Variants in DPYD observed in about 807,000 individuals in gnomAD.
The protein encoded by DPYD is dihydropyrimidine dehydrogenase.
A neutral mutation model predicts 116.2 loss-of-function variants in DPYD; 109 were observed. That is an observed-to-expected ratio of 0.94 (90% confidence interval 0.80 to 1.10). The LOEUF is 1.10. DPYD is among the 50% of genes least tolerant of loss of function. The probability of loss-of-function intolerance (pLI) is 0.00; values close to 1 mark genes in which losing one functional copy is unlikely to be tolerated. For synonymous variants in DPYD, 440 were observed against 432.0 expected, an observed-to-expected ratio of 1.02 and a Z score of -0.23; for missense variants, 1,302 against 1,254.5, an observed-to-expected ratio of 1.04 and a Z score of -0.57.
intron 1 of DPYD, among the ~76,000 whole-genome samples, chr1:97,893,206 A>G (rs1019645215): frequency 1.3e-5 from 2 of 151,488 alleles, no homozygotes; most frequent in East Asian, 3.9e-4. Flanking sequence ...AAGGATGAAG[A>G]CAACAGGTGA....
At chr1:97,195,230 C>G (rs2101829209) in intron 19 of DPYD, among the ~76,000 whole-genome samples, 1 of 152,150 alleles carries the variant, frequency 6.6e-6, no homozygotes, top group East Asian at 1.9e-4. Flanking sequence ...TCATTTCTAT[C>G]CTGTTTTCCC....
chr1:97,871,564 T>C (rs1671657274), intron 2 of DPYD, among the ~76,000 whole-genome samples: 1 of 150,986 alleles, frequency 6.6e-6, no homozygotes, highest in Non-Finnish European at 1.5e-5. Flanking sequence ...ATGTTGAGGC[T>C]TTTTGGAGAA....
chr1:97,302,033 C>A (rs1330356108), intron 18 of DPYD, among the ~76,000 whole-genome samples: 1 of 151,874 alleles, frequency 6.6e-6, no homozygotes, highest in East Asian at 1.9e-4. Flanking sequence ...TTTTTCCAAT[C>A]AAATAAGTCA....
At position 97,886,917 on chromosome 1, in the gene DPYD, A is replaced by G. The variant is rs184753858; in HGVS notation, c.40-3543T>C. Among the ~76,000 whole-genome samples the G allele has an allele frequency of 1.4e-3, 211 of 152,112 alleles. 1 individual carries two copies. Among genetic ancestry groups the G allele is most frequent in the Non-Finnish European group, 1.2e-3 (82 of 67,956 alleles). On this transcript the variant is annotated intron_variant, in intron 1 of 22. Transcript: ENST00000370192. ...ACTCACCTCAAAAACTACCACTGAA[A>G]AAAGGCCCAAATTTAACTGAATCAC...
chr1:97,785,681 CTTTTTTTTTTTTTTTTTTTT>C (rs35229030), intron 3 of DPYD, among the ~76,000 whole-genome samples: 2 of 62,540 alleles, frequency 3.2e-5, no homozygotes, highest in Non-Finnish European at 6.0e-5. Context: ...GCCACTGACT[CTTTTTTTTTTTTTTTTTTTT>C]TTTTTTTTTT....
intron 16 of DPYD, among the ~76,000 whole-genome samples, chr1:97,332,973 C>T (rs1371466217): frequency 6.6e-6 from 1 of 151,960 alleles, no homozygotes; most frequent in Non-Finnish European, 1.5e-5. Context: ...AGCCCCTACA[C>T]TGTAGTCTCA....
chr1:97,686,085 A>G (rs988077599), intron 7 of DPYD, among the ~76,000 whole-genome samples: 1 of 152,180 alleles, frequency 6.6e-6, no homozygotes, highest in Non-Finnish European at 1.5e-5. Flanking sequence ...AAACTATACT[A>G]TAAGGCTGCA....
chr1:97,617,103 C>CTCTT (rs1202835949), intron 8 of DPYD, among the ~76,000 whole-genome samples: 2 of 152,100 alleles, frequency 1.3e-5, no homozygotes, highest in Admixed American at 6.6e-5. Context: ...TAGGAAAATT[C>CTCTT]TCTTTCTTTC....
At chr1:97,373,170 T>A (rs1281498507) in intron 16 of DPYD, among the ~76,000 whole-genome samples, 1 of 152,224 alleles carries the variant, frequency 6.6e-6, no homozygotes, top group African/African-American at 2.4e-5. Context: ...ATTTGTGCCG[T>A]GCCCCATTTA....
rs571809124 is a variant in DPYD, at chr1:97,545,641, A to T, written c.1524+3919T>A. 4.8e-6 allele frequency: 3 copies of T among 618,800 alleles called. No homozygotes were observed. In the South Asian group the frequency reaches 6.2e-5, roughly 13 times the overall value. The allele number at this position is 618,800 out of a possible 1,614,324, so 38.3% of individuals were successfully genotyped here. A position where few individuals can be genotyped will look rare whatever the true frequency, so the allele number is the denominator to read the frequency against. ...ATTATGCAAGAGAGTGCCCTGTTGG[A>T]GGTACAGATTAGAGAGTTACACAGC... On this transcript the variant is annotated intron_variant, in intron 12 of 22. Coordinates refer to ENST00000370192, the MANE Select transcript of DPYD (RefSeq NM_000110.4).
In DPYD at chr1:97,306,216, C is replaced by T; in HGVS notation, c.2140G>A (p.Val714Ile). ...IPFFAKLTPN[V>I]TDIVSIARAA... ...CTTGCGATGCTCACAATATCAGTGA[C>T]ATTTGGGGTCAGCTTGGCAAAAAAA... Residue 714 changes from valine (V) to isoleucine (I), a missense_variant, in exon 17 of 23, where the codon GTC (valine) becomes ATC (isoleucine). Val to Ile is a conservative substitution (Grantham distance 29). Transcript: ENST00000370192. The T allele has an allele frequency of 6.2e-7, 1 of 1,612,550 alleles. No individual in the cohort carries two copies. The highest frequency in any genetic ancestry group is 8.5e-7 in the Non-Finnish European group (1 of 1,178,948).
intron 14 of DPYD, among the ~76,000 whole-genome samples, chr1:97,400,869 A>G (rs1201821987): frequency 6.6e-6 from 1 of 152,032 alleles, no homozygotes; most frequent in East Asian, 1.9e-4. Context: ...CTAGTGCTCT[A>G]TCAATTTTGT....
intron 11 of DPYD, among the ~76,000 whole-genome samples, chr1:97,555,328 A>C (rs1236299628): frequency 6.6e-6 from 1 of 151,986 alleles, no homozygotes; most frequent in Non-Finnish European, 1.5e-5. Flanking sequence ...TAGGGCCTTC[A>C]ATTTCATCTC....
At chr1:97,719,441 T>C (rs545902648) in intron 5 of DPYD, among the ~76,000 whole-genome samples, 2 of 152,060 alleles carry the variant, frequency 1.3e-5, no homozygotes, top group African/African-American at 2.4e-5. Flanking sequence ...AAAAATAGAT[T>C]TGTATTTCTT....
intron 20 of DPYD, among the ~76,000 whole-genome samples, chr1:97,156,627 G>C (rs564663983): frequency 1.3e-5 from 2 of 152,276 alleles, no homozygotes; most frequent in Admixed American, 6.5e-5. Flanking sequence ...ACAGGTGCTG[G>C]AGAGGATGTG....
intron 14 of DPYD, among the ~76,000 whole-genome samples, chr1:97,428,668 C>T (rs1675006438): frequency 1.3e-5 from 2 of 152,054 alleles, no homozygotes; most frequent in Admixed American, 1.3e-4. Flanking sequence ...ACAACAAAAT[C>T]TACTTCAGAT....
intron 13 of DPYD, among the ~76,000 whole-genome samples, chr1:97,489,376 A>G (rs1678842520): frequency 6.6e-6 from 1 of 152,236 alleles, no homozygotes; most frequent in Admixed American, 6.5e-5. Flanking sequence ...ATGCTCATCT[A>G]TACACAATAC....
intron 1 of DPYD, among the ~76,000 whole-genome samples, chr1:97,919,563 T>C (rs936689796): frequency 6.6e-6 from 1 of 152,224 alleles, no homozygotes; most frequent in Non-Finnish European, 1.5e-5. Flanking sequence ...TGTCAGAAGC[T>C]TGTTTTTCGA....
intron 16 of DPYD, among the ~76,000 whole-genome samples, chr1:97,307,567 T>A (rs140244067): frequency 0.015 from 2,274 of 151,988 alleles, 31 homozygotes; most frequent in South Asian, 0.024. Context: ...ATTGTTATCA[T>A]CTCTATTAAG....
Sources: allele counts gnomAD v4.1 joint callset (sites outside exome capture counted in the v4.1 genomes callset), GRCh38; gene constraint gnomAD v4.1.1; transcripts MANE v1.5; gene names NCBI Gene and HGNC (gene_info 2026-07-23, HGNC 2026-07-21).